Variants in SYNCRIP observed in about 807,000 individuals in gnomAD.
SYNCRIP encodes the protein heterogeneous nuclear ribonucleoprotein Q.
In SYNCRIP, 9 loss-of-function variants were observed where a neutral mutation model predicts 68.9. The ratio of observed to expected loss-of-function variants is 0.13; its 90% CI spans 0.08 to 0.23. The LOEUF is 0.23. Ranked by LOEUF, SYNCRIP falls within the 10% of genes least tolerant of loss-of-function variation. The pLI is 1.00. For missense variants in SYNCRIP, 414 were observed against 770.6 expected (o/e 0.54, Z 5.48); for synonymous variants, 258 against 254.0 (o/e 1.02, Z -0.15).
intron 8 of SYNCRIP, among the ~76,000 whole-genome samples, chr6:85,620,892 C>T (rs1289205840): frequency 6.6e-6 from 1 of 152,120 alleles, no homozygotes; most frequent in East Asian, 1.9e-4. Context: ...TTTTTCCTAA[C>T]AAAGTAAATA....
At chr6:85,613,004 A>T, downstream of SYNCRIP, 1 of 1,485,924 alleles carries the variant, frequency 6.7e-7, no homozygotes. Context: ...AACATTAAAA[A>T]GACAAGCCTT....
At position 85,614,264 on chromosome 6, in the gene SYNCRIP, C is replaced by CA. The variant is rs1486769920; in HGVS notation, c.*491dup. 1 of 985,332 alleles carries CA rather than the reference C, an allele frequency of 1.0e-6. No individual in the cohort carries two copies. The highest frequency in any genetic ancestry group is 1.1e-4 in the East Asian group (1 of 8,824). 61.0% of individuals were successfully genotyped at this position (985,332 alleles called of 1,614,324 possible). ...GAAATAAACAACAGCATAAAGAATA[C>CA]AAGTAGCCAAAATGGTTTTGAAAAC... On this transcript the variant is annotated 3_prime_UTR_variant, in exon 11 of 11. Coordinates refer to ENST00000369622, the MANE Select transcript of SYNCRIP (RefSeq NM_006372.5).
intron 6 of SYNCRIP, among the ~76,000 whole-genome samples, chr6:85,625,041 ATTC>A (rs1448487679): frequency 6.6e-6 from 1 of 152,220 alleles, no homozygotes; most frequent in Non-Finnish European, 1.5e-5. Context: ...AAAAGAAACC[ATTC>A]TTCTATTATG....
At chr6:85,633,257 AAAACAAAT>A (rs1429972508) in intron 6 of SYNCRIP, among the ~76,000 whole-genome samples, 18 of 137,860 alleles carry the variant, frequency 1.3e-4, no homozygotes, top group South Asian at 2.2e-4. Context: ...CTCCATCTCA[AAAACAAAT>A]AAATAAATAA....
intron 6 of SYNCRIP, among the ~76,000 whole-genome samples, chr6:85,633,501 G>A (rs1032431387): frequency 6.6e-6 from 1 of 151,498 alleles, no homozygotes; most frequent in Admixed American, 6.6e-5. Flanking sequence ...TGAAACAGAA[G>A]AATCACTTGA....
At chr6:85,617,807 AG>A (rs1454506140) in intron 10 of SYNCRIP, among the ~76,000 whole-genome samples, 1 of 152,256 alleles carries the variant, frequency 6.6e-6, no homozygotes, top group African/African-American at 2.4e-5. Flanking sequence ...AACCTTGAAT[AG>A]TATTGACAGT....
In SYNCRIP at chr6:85,614,087, G is replaced by A; in HGVS notation, c.*669C>T. The A allele has an allele frequency of 1.0e-6, 1 of 985,832 alleles. No homozygotes were observed. Among genetic ancestry groups the A allele is most frequent in the Non-Finnish European group, 1.2e-6 (1 of 829,942 alleles). 61.1% of individuals were successfully genotyped at this position (985,832 alleles called of 1,614,324 possible). A position where few individuals can be genotyped will look rare whatever the true frequency, so the allele number is the denominator to read the frequency against. On this transcript the variant is annotated 3_prime_UTR_variant, in exon 11 of 11. Coordinates refer to ENST00000369622, the MANE Select transcript of SYNCRIP (RefSeq NM_006372.5). ...ATAAATCAGTGTTGTGTAATGTGCA[G>A]ACATATTCCACACAAGAATTAACAA...
chr6:85,629,914 A>G (rs1807526302), intron 6 of SYNCRIP, among the ~76,000 whole-genome samples: 1 of 151,246 alleles, frequency 6.6e-6, no homozygotes, highest in Admixed American at 6.6e-5. Flanking sequence ...AACCCAGGAG[A>G]CAGAGGTTGC....
chr6:85,628,080 G>A (rs887668836), intron 6 of SYNCRIP, among the ~76,000 whole-genome samples: 2 of 151,652 alleles, frequency 1.3e-5, no homozygotes, highest in South Asian at 2.1e-4. Flanking sequence ...TTTTGAGACC[G>A]AGTCTCACTC....
In SYNCRIP at chr6:85,636,949, GA is replaced by G. The variant is rs753022892; in HGVS notation, c.666+17del. ...GACAGTGAACGTGAAAACTGAAGGG[GA>G]AAAAAGGACAACTTACCAGTTTAAC... On this transcript the variant is annotated intron_variant, in intron 6 of 10. Transcript: ENST00000369622. 7.0e-6 allele frequency: 11 copies of G among 1,569,354 alleles called. No homozygotes were observed. The highest frequency in any genetic ancestry group is 2.2e-5 in the East Asian group (1 of 44,448).
At chr6:85,618,093 T>C (rs1007757746) in intron 10 of SYNCRIP, among the ~76,000 whole-genome samples, 13 of 152,220 alleles carry the variant, frequency 8.5e-5, no homozygotes, top group Non-Finnish European at 2.9e-5. Flanking sequence ...CAATGAGCAC[T>C]ACTGGTGAAG....
At chr6:85,623,220 A>T (rs1409728173) in intron 7 of SYNCRIP, among the ~76,000 whole-genome samples, 1 of 152,188 alleles carries the variant, frequency 6.6e-6, no homozygotes, top group African/African-American at 2.4e-5. Flanking sequence ...CCTGTCACTT[A>T]AAAGTTGTTA....
At chr6:85,628,976 TCTC>T (rs1807390021) in intron 6 of SYNCRIP, among the ~76,000 whole-genome samples, 1 of 151,924 alleles carries the variant, frequency 6.6e-6, no homozygotes, top group Non-Finnish European at 1.5e-5. Context: ...CTCCGATCTT[TCTC>T]CTTTCTATTG....
rs750023672 is a variant in SYNCRIP at position 85,641,320 on chromosome 6, A to G, written c.120T>C (p.Ala40=). Residue 40 remains alanine, a synonymous_variant, in exon 2 of 11, where the codon GCT becomes GCC. Coordinates refer to ENST00000369622, the MANE Select transcript of SYNCRIP (RefSeq NM_006372.5). ...LLDAGLPQKV[A]EKLDEIYVAG... is the part of the protein sequence containing the mutation. Reference sequence around the variant, plus strand: ...CAACGTAAATTTCATCTAGTTTTTCAGCAACTTTCTGTGGTAAACCAGCAT... The same window carrying G: ...CAACGTAAATTTCATCTAGTTTTTCGGCAACTTTCTGTGGTAAACCAGCAT... 2 of 1,611,744 alleles carry G rather than the reference A, an allele frequency of 1.2e-6. No homozygotes were observed. The highest frequency in any genetic ancestry group is 1.1e-5 in the South Asian group (1 of 90,992).
intron 6 of SYNCRIP, among the ~76,000 whole-genome samples, chr6:85,630,759 T>G (rs1807675959): frequency 1.3e-5 from 2 of 152,204 alleles, no homozygotes; most frequent in Admixed American, 1.3e-4. Flanking sequence ...GTCAGGTTAT[T>G]TATCCAACAC....
At chr6:85,621,133 TAA>T (rs1806333377) in intron 8 of SYNCRIP, among the ~76,000 whole-genome samples, 1 of 152,216 alleles carries the variant, frequency 6.6e-6, no homozygotes, top group Non-Finnish European at 1.5e-5. Flanking sequence ...TGTGTTAATC[TAA>T]AGTGCTAACC....
chr6:85,629,663 A>C (rs2128293028), intron 6 of SYNCRIP, among the ~76,000 whole-genome samples: 1 of 152,154 alleles, frequency 6.6e-6, no homozygotes, highest in Non-Finnish European at 1.5e-5. Context: ...CTCTACTAAA[A>C]ACACAAAAAT....
At chr6:85,619,221 T>A (rs748716273) in intron 9 of SYNCRIP, 47 bp downstream of exon 9, 3 of 1,595,992 alleles carry the variant, frequency 1.9e-6, no homozygotes, top group Non-Finnish European at 2.6e-6. Context: ...CTAAAATGAC[T>A]AAATTTGTTA....
chr6:85,613,024 A>G (rs1805365637), downstream of SYNCRIP: 2 of 1,381,816 alleles, frequency 1.4e-6, no homozygotes, highest in African/African-American at 2.9e-5. Flanking sequence ...TAACATGGTA[A>G]TTCTAAATAT....
Sources: gnomAD v4.1 joint callset for allele counts (sites outside exome capture counted in the v4.1 genomes callset) on GRCh38, gnomAD v4.1.1 for gene constraint, MANE v1.5 for transcripts, NCBI Gene and HGNC (gene_info 2026-07-23, HGNC 2026-07-21) for gene names.